Variants in SIPA1L1 observed in about 807,000 individuals in gnomAD.
SIPA1L1 encodes signal-induced proliferation-associated 1-like protein 1.
Under a neutral mutation model 162.7 loss-of-function variants are expected in SIPA1L1, and 26 were observed. The observed-to-expected ratio is 0.16, with a 90% CI of 0.12 to 0.22. The LOEUF is 0.22. Among genes scored for constraint, SIPA1L1 ranks in the 10% least tolerant of loss-of-function variants. SIPA1L1 has a pLI of 1.00. For missense variants in SIPA1L1, 1,874 were observed against 2,241.0 expected, an observed-to-expected ratio of 0.84 and a Z score of 3.31; for synonymous variants, 829 against 837.4, an observed-to-expected ratio of 0.99 and a Z score of 0.17.
chr14:71,553,721 A>C (rs1446303035), intron 4 of SIPA1L1, among the ~76,000 whole-genome samples: 2 of 152,200 alleles, frequency 1.3e-5, no homozygotes, highest in African/African-American at 2.4e-5. Flanking sequence ...CAGAGATCCC[A>C]TTGTATTGTT....
intron 17 of SIPA1L1, among the ~76,000 whole-genome samples, chr14:71,717,723 C>T (rs901515631): frequency 6.6e-6 from 1 of 152,188 alleles, no homozygotes; most frequent in African/African-American, 2.4e-5. Flanking sequence ...GTGCACATCC[C>T]TTGACGCAGT....
At chr14:71,435,160 A>G (rs2044279470) in intron 2 of SIPA1L1, among the ~76,000 whole-genome samples, 2 of 151,916 alleles carry the variant, frequency 1.3e-5, no homozygotes, top group South Asian at 4.1e-4. Context: ...TCAGCAATGT[A>G]TGTGTTTTTC....
chr14:71,699,073 C>T lies in SIPA1L1; in HGVS notation c.3467C>T (p.Ser1156Phe). The T allele has an allele frequency of 6.2e-7, 1 of 1,614,126 alleles. No individual in the cohort carries two copies. Among genetic ancestry groups the T allele is most frequent in the Non-Finnish European group, 8.5e-7 (1 of 1,179,970 alleles). ...CRNSPSNLSS[S>F]SDTGSVGGTY... ...AACTCTCCTAGCAACTTGTCTTCATCCAGTGATACTGGTTCTGTGGGGGGC... is the reference window on the plus strand; with the variant it reads ...AACTCTCCTAGCAACTTGTCTTCATTCAGTGATACTGGTTCTGTGGGGGGC... Residue 1156 changes from serine (S) to phenylalanine (F), a missense_variant, in exon 14 of 24, where the codon TCC becomes TTC. Ser to Phe is a radical substitution (Grantham distance 155). Around this residue, in one of 5 missense-constraint regions of SIPA1L1, gnomAD observed 936 missense variants for 1,051.9 expected, o/e 0.89. Transcript: ENST00000381232.
At chr14:71,734,740 A>G (rs956472281) in intron 21 of SIPA1L1, among the ~76,000 whole-genome samples, 3 of 152,210 alleles carry the variant, frequency 2.0e-5, no homozygotes, top group Non-Finnish European at 2.9e-5. Context: ...TCTCCTTCAT[A>G]TACAAATGGT....
intron 2 of SIPA1L1, among the ~76,000 whole-genome samples, chr14:71,339,594 C>T (rs1304939015): frequency 1.3e-5 from 2 of 152,122 alleles, no homozygotes; most frequent in East Asian, 1.9e-4. Flanking sequence ...AAACTCCGGA[C>T]CTCAGGTAAT....
chr14:71,367,959 G>T (rs1259070848), intron 2 of SIPA1L1, among the ~76,000 whole-genome samples: 5 of 138,690 alleles, frequency 3.6e-5, no homozygotes, highest in African/African-American at 8.1e-5. Flanking sequence ...CTTATTAAAA[G>T]ATTTATTTCC....
At chr14:71,326,611 G>C (rs2033833184) in intron 2 of SIPA1L1, among the ~76,000 whole-genome samples, 1 of 151,944 alleles carries the variant, frequency 6.6e-6, no homozygotes, top group East Asian at 1.9e-4. Flanking sequence ...CTATAATCAA[G>C]ACTTGACTAT....
intron 2 of SIPA1L1, among the ~76,000 whole-genome samples, chr14:71,423,121 T>C (rs1308714537): frequency 6.6e-6 from 1 of 152,194 alleles, no homozygotes; most frequent in East Asian, 1.9e-4. Context: ...TTAATATCTT[T>C]TTTGGAGAAA....
chr14:71,540,159 A>G (rs2054254358), intron 4 of SIPA1L1, among the ~76,000 whole-genome samples: 2 of 152,220 alleles, frequency 1.3e-5, no homozygotes, highest in Admixed American at 1.3e-4. Flanking sequence ...GTTTACATTG[A>G]CAAGCCCCTT....
At chr14:71,472,746 A>G (rs2047558028) in intron 2 of SIPA1L1, among the ~76,000 whole-genome samples, 1 of 149,288 alleles carries the variant, frequency 6.7e-6, no homozygotes, top group African/African-American at 2.5e-5. Context: ...GTGAGTTTTT[A>G]CTATGTGAAC....
At chr14:71,590,750 G>C (rs937531952) in intron 5 of SIPA1L1, among the ~76,000 whole-genome samples, 10 of 152,098 alleles carry the variant, frequency 6.6e-5, no homozygotes, top group Non-Finnish European at 1.2e-4. Context: ...CTGTTACACT[G>C]TCCTTTAAGG....
intron 2 of SIPA1L1, among the ~76,000 whole-genome samples, chr14:71,438,949 C>T (rs2044622296): frequency 6.6e-6 from 1 of 152,066 alleles, no homozygotes; most frequent in African/African-American, 2.4e-5. Flanking sequence ...GGAATTGATA[C>T]AGAAATACTA....
intron 4 of SIPA1L1, among the ~76,000 whole-genome samples, chr14:71,550,863 C>T (rs1421946076): frequency 6.6e-6 from 1 of 152,094 alleles, no homozygotes; most frequent in Non-Finnish European, 1.5e-5. Flanking sequence ...CCAGCCTGAG[C>T]AACAAAGCGA....
At chr14:71,683,280 A>T (rs1286901832) in intron 12 of SIPA1L1, among the ~76,000 whole-genome samples, 1 of 152,234 alleles carries the variant, frequency 6.6e-6, no homozygotes, top group South Asian at 2.1e-4. Context: ...TGGTGCCCAA[A>T]ATACATAATA....
rs149032894 is a variant in SIPA1L1, at chr14:71,444,653, C to A, written c.-464-68090C>A. 1.4e-4 allele frequency among the ~76,000 whole-genome samples: 22 copies of A among 152,290 alleles called. No individual in the cohort carries two copies. In the East Asian group the frequency reaches 4.2e-3, roughly 29 times the overall value. ...TGACTGTGAAAAGCAAGACTGACCT[C>A]TTTCCCTTTGGTCCCTGGAGAATGG... On this transcript the variant is annotated intron_variant, in intron 2 of 23. Transcript: ENST00000381232.
At chr14:71,636,497 T>C (rs1477147036) in intron 7 of SIPA1L1, among the ~76,000 whole-genome samples, 2 of 152,074 alleles carry the variant, frequency 1.3e-5, no homozygotes, top group African/African-American at 2.4e-5. Flanking sequence ...GTAAACTGAA[T>C]GGAAAGGAAA....
At chr14:71,627,568 C>T (rs1460963785) in intron 7 of SIPA1L1, among the ~76,000 whole-genome samples, 1 of 151,968 alleles carries the variant, frequency 6.6e-6, no homozygotes, top group Non-Finnish European at 1.5e-5. Flanking sequence ...AATTTGTGTT[C>T]TTACTGTCAG....
intron 7 of SIPA1L1, among the ~76,000 whole-genome samples, chr14:71,635,714 G>C (rs889951541): frequency 6.6e-6 from 1 of 152,110 alleles, no homozygotes; most frequent in Non-Finnish European, 1.5e-5. Flanking sequence ...TAAAATGACA[G>C]ACTTAAACTC....
intron 17 of SIPA1L1, among the ~76,000 whole-genome samples, chr14:71,718,635 G>T (rs1353563977): frequency 6.6e-6 from 1 of 152,176 alleles, no homozygotes; most frequent in Non-Finnish European, 1.5e-5. Flanking sequence ...GAGCAATGGA[G>T]CAAGACCCTG....
Sources: allele counts gnomAD v4.1 joint callset (sites outside exome capture counted in the v4.1 genomes callset), GRCh38; gene constraint gnomAD v4.1.1; regional missense constraint gnomAD v4.1.1; transcripts MANE v1.5; gene names NCBI Gene and HGNC (gene_info 2026-07-23, HGNC 2026-07-21).